Variants in MLXIP observed in about 807,000 individuals in gnomAD.
MLXIP encodes MLX interacting protein, also known as MLX-interacting protein.
In MLXIP, 30 loss-of-function variants were observed where a neutral mutation model predicts 87.2. The ratio of observed to expected loss-of-function variants is 0.34; its 90% confidence interval spans 0.26 to 0.47. The LOEUF (loss-of-function observed/expected upper bound fraction) is 0.47. Among genes scored for constraint, MLXIP ranks in the 20% least tolerant of loss-of-function variants. The pLI, the probability that MLXIP is intolerant of heterozygous loss-of-function variation, is 1.00. For missense variants in MLXIP, 1,002 were observed against 1,240.1 expected (o/e 0.81, Z 2.88); for synonymous variants, 530 against 514.0 (o/e 1.03, Z -0.42).
Position 122,135,201 on chromosome 12 carries a change from G to A in MLXIP, c.1733-23G>A. The A allele has an allele frequency of 6.2e-7, 1 of 1,611,084 alleles. No individual in the cohort carries two copies. Among genetic ancestry groups the A allele is most frequent in the African/African-American group, 1.3e-5 (1 of 74,992 alleles). On this transcript the variant is annotated intron_variant, in intron 9 of 16. Transcript: ENST00000319080. This position sits in a 1 kb window ranked among gnomAD's most constrained non-coding sequence, Gnocchi z 5.3. The stretch of plus-strand genomic sequence containing the variant: ...GGCCCTGTGGCCCAGGGCTGCACCT[G>A]AACATCCTCCTTATCCTGGCAGCTG...
At chr12:122,129,106 C>G (rs766456976) in intron 3 of MLXIP, 31 bp from the exon 4 acceptor site, 3 of 1,554,972 alleles carry the variant, frequency 1.9e-6, no homozygotes, top group Non-Finnish European at 2.6e-6. Context: ...GCAGAGCCCC[C>G]TCTTCACTCT....
At chr12:122,125,851 G>C (rs1952873430) in intron 1 of MLXIP, among the ~76,000 whole-genome samples, 1 of 152,220 alleles carries the variant, frequency 6.6e-6, no homozygotes, top group African/African-American at 2.4e-5. Flanking sequence ...GGTTTGGGTG[G>C]GGATAGGCAC....
chr12:122,130,193 C>T, intron 6 of MLXIP, 81 bp downstream of exon 6: 2 of 1,408,418 alleles, frequency 1.4e-6, no homozygotes, highest in Non-Finnish European at 9.7e-7. Context: ...AGGGTTCCTT[C>T]AGGGCCATCT....
Position 122,078,914 on chromosome 12 carries a change from C to A in MLXIP, c.61C>A (p.Leu21Met). The change falls in exon 1 of 17, where the codon CTG becomes ATG. Residue 21 changes from leucine (L) to methionine (M), a missense_variant. Around this residue, in one of 3 missense-constraint regions of MLXIP, gnomAD observed 129 missense variants for 104.2 expected, o/e 1.24. Coordinates refer to ENST00000319080, the MANE Select transcript of MLXIP (RefSeq NM_014938.6). ...GCCTCGCAGCCGGGGCCGCCAGGTG[C>A]TGCTCAAGCCCCAGGTGTCCGAGGA... is the stretch of plus-strand genomic sequence containing the variant. ...RRPRSRGRQV[L>M]LKPQVSEDDD... The A allele has an allele frequency of 8.8e-7, 1 of 1,142,852 alleles. No homozygotes were observed. Among genetic ancestry groups the A allele is most frequent in the South Asian group, 2.6e-5 (1 of 38,136 alleles). The allele number at this position is 1,142,852 out of a possible 1,614,324, so 70.8% of individuals were successfully genotyped here. A position where few individuals can be genotyped will look rare whatever the true frequency, so the allele number is the denominator to read the frequency against.
chr12:122,113,073 T>C (rs1210491709), intron 1 of MLXIP, among the ~76,000 whole-genome samples: 1 of 152,236 alleles, frequency 6.6e-6, no homozygotes, highest in Admixed American at 6.5e-5. Flanking sequence ...AATGTATGTC[T>C]GTGGGGAAAT....
intron 1 of MLXIP, among the ~76,000 whole-genome samples, chr12:122,090,637 T>C (rs1382524116): frequency 6.6e-6 from 1 of 152,224 alleles, no homozygotes; most frequent in African/African-American, 2.4e-5. Flanking sequence ...TTTCCCTGTA[T>C]GTTTGATAAT....
intron 1 of MLXIP, among the ~76,000 whole-genome samples, chr12:122,115,791 A>G (rs184435187): frequency 4.2e-4 from 64 of 152,212 alleles, no homozygotes; most frequent in Admixed American, 2.7e-3. Flanking sequence ...ACCTGGGCAC[A>G]GCTGTAATCC....
At chr12:122,138,985 A>ACTGAAGC in intron 15 of MLXIP, 47 bp downstream of exon 15, 1 of 1,608,796 alleles carries the variant, frequency 6.2e-7, no homozygotes, top group Non-Finnish European at 8.5e-7. Flanking sequence ...CAGCCAATGC[A>ACTGAAGC]CTGAAGCCAC....
intron 15 of MLXIP, among the ~76,000 whole-genome samples, chr12:122,140,209 T>C (rs1953172622): frequency 1.3e-5 from 2 of 152,232 alleles, no homozygotes; most frequent in Non-Finnish European, 2.9e-5. Context: ...AGGCCTTCAC[T>C]AAGATGGTCT....
chr12:122,112,890 G>A (rs1952626514), intron 1 of MLXIP, among the ~76,000 whole-genome samples: 1 of 152,176 alleles, frequency 6.6e-6, no homozygotes, highest in South Asian at 2.1e-4. Context: ...AGCCGTGAAA[G>A]TTCTAGAAGG....
intron 4 of MLXIP, 146 bp downstream of exon 4, chr12:122,129,372 A>G: frequency 2.2e-6 from 2 of 921,370 alleles, no homozygotes; most frequent in African/African-American, 1.6e-5. Flanking sequence ...CCAGCGTGCC[A>G]GACTAGCCTG....
Position 122,093,901 on chromosome 12 carries a change from GGT to G in MLXIP, c.413+14646_413+14647del, listed in dbSNP as rs1212508565. Among the ~76,000 whole-genome samples, 12 of 141,834 alleles carry G rather than the reference GGT, an allele frequency of 8.5e-5. No homozygotes were observed. The East Asian group carries it at 1.6e-3, about 19-fold the overall frequency. 93.0% of individuals were successfully genotyped at this position (141,834 alleles called of 152,430 possible). On this transcript the variant is annotated intron_variant, in intron 1 of 16. Transcript: ENST00000319080. Reference sequence around the variant, plus strand: ...TTGGTGTGTGTTGGCATGTGTGTGTGGTGTGTGTGTGTTTGCGGTGTCTGGTG... The same window carrying G: ...TTGGTGTGTGTTGGCATGTGTGTGTGGTGTGTGTGTTTGCGGTGTCTGGTG...
In MLXIP at chr12:122,141,692, G is replaced by A; in HGVS notation, c.2640G>A (p.Met880Ile). The A allele has an allele frequency of 6.2e-7, 1 of 1,613,620 alleles. No individual in the cohort carries two copies. The highest frequency in any genetic ancestry group is 8.5e-7 in the Non-Finnish European group (1 of 1,179,784). The change falls in exon 17 of 17, where the codon ATG (methionine) becomes ATA (isoleucine). Residue 880 changes from methionine to isoleucine, a missense_variant and splice_region_variant. Coordinates refer to ENST00000319080, the MANE Select transcript of MLXIP (RefSeq NM_014938.6). Reference protein sequence around the residue: ...QHCSLPILRPMVLSTLRQLST... With the variant: ...QHCSLPILRPIVLSTLRQLST... ...TGTCTGACCCTTTCTGTCTTGCAGTGGTATTGAGCACGCTGCGGCAGCTGA... is the reference window on the plus strand; with the variant it reads ...TGTCTGACCCTTTCTGTCTTGCAGTAGTATTGAGCACGCTGCGGCAGCTGA...
intron 1 of MLXIP, among the ~76,000 whole-genome samples, chr12:122,088,814 T>G (rs1439918066): frequency 6.6e-6 from 1 of 152,094 alleles, no homozygotes; most frequent in Non-Finnish European, 1.5e-5. Context: ...CAGCTTCTTA[T>G]GTAGAAAGCA....
chr12:122,096,109 A>C (rs1156313417), intron 1 of MLXIP, among the ~76,000 whole-genome samples: 1 of 151,424 alleles, frequency 6.6e-6, no homozygotes, highest in Non-Finnish European at 1.5e-5. Context: ...GATAGGTCTC[A>C]CTTTGTTGCC....
chr12:122,130,084 G>T lies in MLXIP; in HGVS notation c.882G>T (p.Pro294=), dbSNP rs367682904. 24 of 1,613,844 alleles carry T rather than the reference G, an allele frequency of 1.5e-5. No individual in the cohort carries two copies. Among genetic ancestry groups the T allele is most frequent in the African/African-American group, 1.3e-4 (10 of 75,014 alleles). Reference sequence around the variant, plus strand: ...TCTCCACACTTTCTTCACACCAGCCGGTGGCCTGGCCCAATCCCCGGGAAA... The same window carrying T: ...TCTCCACACTTTCTTCACACCAGCCTGTGGCCTGGCCCAATCCCCGGGAAA... ...TLFSTLSSHQ[P]VAWPNPREIA... Residue 294 remains proline (P), a synonymous_variant, in exon 6 of 17, where the codon CCG becomes CCT. Transcript: ENST00000319080.
rs550972991 is a variant in MLXIP, at chr12:122,102,119, G to A, written c.413+22853G>A. ...CACTGAAGTCTGATATACATTGCAA[G>A]AGTAGTTTTCAAAAGTTGTATTAAT... On this transcript the variant is annotated intron_variant, in intron 1 of 16. Coordinates refer to ENST00000319080, the MANE Select transcript of MLXIP (RefSeq NM_014938.6). 2.6e-5 allele frequency among the ~76,000 whole-genome samples: 4 copies of A among 152,256 alleles called. No individual in the cohort carries two copies. The East Asian group carries it at 7.7e-4, about 29-fold the overall frequency.
At chr12:122,140,450 C>G (rs989378133) in intron 15 of MLXIP, among the ~76,000 whole-genome samples, 1 of 152,118 alleles carries the variant, frequency 6.6e-6, no homozygotes, top group African/African-American at 2.4e-5. Flanking sequence ...GCACCCACCA[C>G]CACGCCCAGC....
chr12:122,146,757 G>A lies in MLXIP; in HGVS notation c.*4945G>A, dbSNP rs948905899. On this transcript the variant is annotated 3_prime_UTR_variant, in exon 17 of 17. Transcript: ENST00000319080. ...ACTGTTGGTTCTGCGCTCTGAACCTGGGTGTAGCTCATTTGAAGGACTCTC... is the reference window on the plus strand; with the variant it reads ...ACTGTTGGTTCTGCGCTCTGAACCTAGGTGTAGCTCATTTGAAGGACTCTC... 7 of 142,760 alleles carry A rather than the reference G, an allele frequency of 4.9e-5. No individual in the cohort carries two copies. The highest frequency in any genetic ancestry group is 2.1e-4 in the African/African-American group (7 of 33,046). 8.8% of individuals were successfully genotyped at this position (142,760 alleles called of 1,614,324 possible). A position where few individuals can be genotyped will look rare whatever the true frequency, so the allele number is the denominator to read the frequency against.
Sources: gnomAD v4.1 joint callset for allele counts (sites outside exome capture counted in the v4.1 genomes callset) on GRCh38, gnomAD v4.1.1 for gene constraint, gnomAD v4.1.1 regional missense constraint, Gnocchi (gnomAD v3.1) non-coding constraint, MANE v1.5 for transcripts, NCBI Gene and HGNC (gene_info 2026-07-23, HGNC 2026-07-21) for gene names.